Variants in USH2A observed in about 807,000 individuals in gnomAD.
USH2A encodes the protein usherin, also known as Usher syndrome 2A (autosomal recessive, mild).
In USH2A, 443 loss-of-function variants were observed where a neutral mutation model predicts 538.9. The ratio of observed to expected loss-of-function variants is 0.82; its 90% CI spans 0.76 to 0.89. The LOEUF (loss-of-function observed/expected upper bound fraction) is 0.89. Among genes scored for constraint, USH2A ranks in the 40% least tolerant of loss-of-function variants. The pLI, the probability that USH2A is intolerant of heterozygous loss-of-function variation, is 0.00. For missense variants in USH2A, 6,633 were observed against 6,324.8 expected (o/e 1.05, Z -1.65); for synonymous variants, 2,413 against 2,273.5 (o/e 1.06, Z -1.75).
chr1:216,347,382 G>A (rs948230789), intron 4 of USH2A, among the ~76,000 whole-genome samples: 15 of 151,904 alleles, frequency 9.9e-5, no homozygotes, highest in African/African-American at 2.9e-4. Context: ...ATTATATTTT[G>A]TGATATCCAG....
chr1:215,960,834 C>A (rs1667179263), intron 37 of USH2A, among the ~76,000 whole-genome samples: 1 of 151,966 alleles, frequency 6.6e-6, no homozygotes, highest in South Asian at 2.1e-4. Flanking sequence ...AGAGAAAGAC[C>A]CAGTATTACC....
intron 2 of USH2A, among the ~76,000 whole-genome samples, chr1:216,420,469 A>T (rs2039657855): frequency 6.6e-6 from 1 of 152,102 alleles, no homozygotes; most frequent in Non-Finnish European, 1.5e-5. Context: ...AACACCCCGA[A>T]ATTCCCCCAA....
At chr1:216,220,950 T>C (rs1299018003) in intron 14 of USH2A, among the ~76,000 whole-genome samples, 5 of 152,292 alleles carry the variant, frequency 3.3e-5, no homozygotes, top group Non-Finnish European at 7.4e-5. Flanking sequence ...TAAGGATTAT[T>C]AATAAACAAA....
intron 4 of USH2A, among the ~76,000 whole-genome samples, chr1:216,330,683 A>T (rs923783076): frequency 6.6e-6 from 1 of 152,010 alleles, no homozygotes; most frequent in African/African-American, 2.4e-5. Context: ...AAGAAATTTG[A>T]TTTCTGGTCT....
intron 39 of USH2A, 99 bp from the exon 40 acceptor site, chr1:215,900,316 A>G (rs1164242250): frequency 1.6e-6 from 2 of 1,270,678 alleles, no homozygotes; most frequent in South Asian, 2.5e-5. Context: ...GGATGTCAAC[A>G]TACATTTAAG....
chr1:216,288,926 T>A (rs1028095446), intron 11 of USH2A, among the ~76,000 whole-genome samples: 1 of 152,226 alleles, frequency 6.6e-6, no homozygotes, highest in Non-Finnish European at 1.5e-5. Context: ...TATGATCTTC[T>A]ATGGAATTTT....
At chr1:216,325,193 G>T in intron 6 of USH2A, 112 bp downstream of exon 6, 1 of 1,202,120 alleles carries the variant, frequency 8.3e-7, no homozygotes, top group Non-Finnish European at 1.2e-6. Flanking sequence ...TCATATTTCT[G>T]ATCTCCAGAA....
intron 43 of USH2A, among the ~76,000 whole-genome samples, chr1:215,875,634 T>C (rs906856665): frequency 2.0e-5 from 3 of 152,036 alleles, no homozygotes; most frequent in Admixed American, 6.6e-5. Context: ...ATTTCTTGTA[T>C]AAAGAAACAA....
At chr1:215,681,238 T>C (rs891233765) in intron 61 of USH2A, among the ~76,000 whole-genome samples, 2 of 152,072 alleles carry the variant, frequency 1.3e-5, no homozygotes, top group African/African-American at 4.8e-5. Flanking sequence ...GGGTGCTCTT[T>C]CCACATCTGG....
At chr1:216,293,117 C>T (rs1164969234) in intron 9 of USH2A, among the ~76,000 whole-genome samples, 1 of 151,018 alleles carries the variant, frequency 6.6e-6, no homozygotes, top group Non-Finnish European at 1.5e-5. Flanking sequence ...CTCCGCCTCA[C>T]GGGTTCAAGC....
At chr1:215,801,451 C>A (rs1246421672) in intron 49 of USH2A, among the ~76,000 whole-genome samples, 3 of 146,560 alleles carry the variant, frequency 2.0e-5, no homozygotes, top group African/African-American at 7.5e-5. Flanking sequence ...TATCAAGATA[C>A]AAAGTCAGCA....
intron 30 of USH2A, among the ~76,000 whole-genome samples, chr1:216,057,993 C>T (rs2031037707): frequency 1.3e-5 from 2 of 152,140 alleles, no homozygotes; most frequent in East Asian, 1.9e-4. Context: ...GCAAGATAAC[C>T]AGAGGTGGAG....
intron 49 of USH2A, among the ~76,000 whole-genome samples, chr1:215,801,794 T>G (rs914759032): frequency 2.0e-5 from 3 of 151,996 alleles, no homozygotes; most frequent in Admixed American, 6.6e-5. Flanking sequence ...ACATGGAATC[T>G]CAAAAAACTG....
rs1553257690 is a variant in USH2A at position 215,743,225 on chromosome 1, A to T, written c.11500T>A (p.Leu3834Met). 2 of 1,612,560 alleles carry T rather than the reference A, an allele frequency of 1.2e-6. No individual in the cohort carries two copies. Among genetic ancestry groups the T allele is most frequent in the Non-Finnish European group, 1.7e-6 (2 of 1,179,494 alleles). ...ATCTCATACTGTGTGAATGGAGTCA[A>T]ATTTTCCAGAAGGGTGGATTGATGA... is the stretch of plus-strand genomic sequence containing the variant. ...GHHQSTLLENLTPFTQYEIRI... is the reference protein window; with the variant it reads ...GHHQSTLLENMTPFTQYEIRI... The change falls in exon 59 of 72, where the codon TTG becomes ATG. Residue 3834 changes from leucine to methionine, a missense_variant. Transcript: ENST00000307340.
At chr1:215,849,417 T>C (rs1571746021) in intron 44 of USH2A, among the ~76,000 whole-genome samples, 1 of 152,194 alleles carries the variant, frequency 6.6e-6, no homozygotes, top group East Asian at 1.9e-4. Context: ...AATTAAAACG[T>C]ACGTTGAAAG....
At chr1:216,420,882 C>T (rs1402291648) in intron 2 of USH2A, among the ~76,000 whole-genome samples, 1 of 152,100 alleles carries the variant, frequency 6.6e-6, no homozygotes, top group Non-Finnish European at 1.5e-5. Flanking sequence ...AAACTAAACA[C>T]CAAAAACATT....
Position 216,126,502 on chromosome 1 carries a change from C to T in USH2A, c.4628-29289G>A, listed in dbSNP as rs149034391. Among the ~76,000 whole-genome samples, 710 of 152,262 alleles carry T rather than the reference C, an allele frequency of 4.7e-3. 4 individuals carry two copies. The highest frequency in any genetic ancestry group is 0.016 in the African/African-American group (684 of 41,554). ...CCTCCCAAAGTGCTGGGATTACAGG[C>T]ATGAGCCACTGTGCTGGGCCGAGTG... On this transcript the variant is annotated intron_variant, in intron 21 of 71. Coordinates refer to ENST00000307340, the MANE Select transcript of USH2A (RefSeq NM_206933.4).
At chr1:216,244,931 A>G (rs1448250841) in intron 13 of USH2A, among the ~76,000 whole-genome samples, 1 of 152,180 alleles carries the variant, frequency 6.6e-6, no homozygotes, top group Non-Finnish European at 1.5e-5. Context: ...AAAGGATATA[A>G]CATTTGATCT....
At chr1:216,043,078 T>C (rs1056359500) in intron 32 of USH2A, among the ~76,000 whole-genome samples, 3 of 152,090 alleles carry the variant, frequency 2.0e-5, no homozygotes, top group Non-Finnish European at 4.4e-5. Flanking sequence ...AGCAGACTAA[T>C]ACAGGTGTTC....
Sources: allele counts gnomAD v4.1 joint callset (sites outside exome capture counted in the v4.1 genomes callset), GRCh38; gene constraint gnomAD v4.1.1; transcripts MANE v1.5; gene names NCBI Gene and HGNC (gene_info 2026-07-23, HGNC 2026-07-21).